Variants in SEC16B observed in about 807,000 individuals in gnomAD.
SEC16B encodes protein transport protein Sec16B.
A neutral mutation model predicts 141.8 loss-of-function variants in SEC16B; 115 were observed. The ratio of observed to expected loss-of-function variants is 0.81; its 90% confidence interval spans 0.70 to 0.95. The LOEUF (loss-of-function observed/expected upper bound fraction) is 0.95, where lower values mean the gene tolerates loss of function less well. SEC16B is among the 40% of genes least tolerant of loss of function. The pLI is 0.00. For synonymous variants in SEC16B, 493 were observed against 492.5 expected, an observed-to-expected ratio of 1.00 and a Z score of -0.01; for missense variants, 1,291 against 1,312.3, an observed-to-expected ratio of 0.98 and a Z score of 0.25.
Position 177,967,907 on chromosome 1 carries a change from T to C in SEC16B, c.75A>G (p.Arg25=), listed in dbSNP as rs1435046772. ...KATAPSKDPD[R]GFRRDGHHRP... ...GATGATGTCCATCTCTCCGAAACCC[T>C]CGGTCTGGATCCTTTGAGGGTGCTG... The change falls in exon 2 of 26, where the codon CGA becomes CGG. Residue 25 remains arginine, a synonymous_variant. Transcript: ENST00000308284. The C allele has an allele frequency of 6.2e-7, 1 of 1,613,856 alleles. No homozygotes were observed. The highest frequency in any genetic ancestry group is 1.3e-5 in the African/African-American group (1 of 74,916).
At position 177,946,403 on chromosome 1, in the gene SEC16B, T is replaced by C. The variant is rs775953955; in HGVS notation, c.1775+17A>G. On this transcript the variant is annotated intron_variant, in intron 14 of 25. Coordinates refer to ENST00000308284, the MANE Select transcript of SEC16B (RefSeq NM_033127.4). ...TGGAAAATGTCCTTACTGTTTCCTT[T>C]CTCCCAGGTCGCATACCTGTGGCTG... 2.6e-6 allele frequency: 4 copies of C among 1,526,400 alleles called. No homozygotes were observed. Among genetic ancestry groups the C allele is most frequent in the Non-Finnish European group, 3.6e-6 (4 of 1,122,926 alleles). 94.6% of individuals were successfully genotyped at this position (1,526,400 alleles called of 1,614,324 possible). A position where few individuals can be genotyped will look rare whatever the true frequency, so the allele number is the denominator to read the frequency against.
Position 177,942,053 on chromosome 1 carries a change from A to C in SEC16B, c.1882-13T>G, listed in dbSNP as rs2101921890. ...GGAGCTTATACACCTGTGAAGAGAA[A>C]AGAGTCAGTGACTAGTCCATCCAGG... On this transcript the variant is annotated splice_polypyrimidine_tract_variant and intron_variant, in intron 15 of 25. Coordinates refer to ENST00000308284, the MANE Select transcript of SEC16B (RefSeq NM_033127.4). The C allele has an allele frequency of 6.2e-7, 1 of 1,609,362 alleles. No homozygotes were observed. The highest frequency in any genetic ancestry group is 1.1e-5 in the South Asian group (1 of 90,136).
upstream of SEC16B, among the ~76,000 whole-genome samples, chr1:177,975,021 T>C (rs1654114057): frequency 6.6e-6 from 1 of 152,110 alleles, no homozygotes; most frequent in Admixed American, 6.5e-5. Flanking sequence ...AACCAAGAAT[T>C]CCCTGTGGAG....
rs759358915 is a variant in SEC16B, at chr1:177,954,368, C to G, written c.1374G>C (p.Leu458Phe). The change falls in exon 11 of 26, where the codon TTG (leucine) becomes TTC (phenylalanine). Residue 458 changes from leucine to phenylalanine, a missense_variant. Around this residue, in one of 3 missense-constraint regions of SEC16B, gnomAD observed 681 missense variants for 675.5 expected, o/e 1.01. Coordinates refer to ENST00000308284, the MANE Select transcript of SEC16B (RefSeq NM_033127.4). ...LLYYGRKKEA[L>F]EWAMKNHLWG... is the part of the protein sequence containing the mutation. ...ACAAGTGGTTCTTCATGGCCCACTC[C>G]AAGGCTTCCTGAAAACCAAAACATC... is the stretch of plus-strand genomic sequence containing the variant. The G allele has an allele frequency of 6.4e-7, 1 of 1,571,838 alleles. No homozygotes were observed. The highest frequency in any genetic ancestry group is 2.4e-5 in the East Asian group (1 of 42,520).
At position 177,932,481 on chromosome 1, in the gene SEC16B, G is replaced by C. The variant is rs777957529; in HGVS notation, c.3012+9C>G. ...GGGTCCGAGGCTCCAGCCCAGGGGGGCCGCTTACCTCTGGTCCAGACAAGC... is the reference window on the plus strand; with the variant it reads ...GGGTCCGAGGCTCCAGCCCAGGGGGCCCGCTTACCTCTGGTCCAGACAAGC... On this transcript the variant is annotated intron_variant, in intron 24 of 25. Coordinates refer to ENST00000308284, the MANE Select transcript of SEC16B (RefSeq NM_033127.4). The C allele has an allele frequency of 6.6e-7, 1 of 1,525,392 alleles. No individual in the cohort carries two copies. The highest frequency in any genetic ancestry group is 8.8e-7 in the Non-Finnish European group (1 of 1,134,946). 94.5% of individuals were successfully genotyped at this position (1,525,392 alleles called of 1,614,324 possible).
Position 177,965,095 on chromosome 1 carries a change from T to TC in SEC16B, c.484_485insG (p.Tyr162Ter), listed in dbSNP as rs1355240260. 4.3e-6 allele frequency: 7 copies of TC among 1,613,612 alleles called. No homozygotes were observed. The highest frequency in any genetic ancestry group is 5.9e-6 in the Non-Finnish European group (7 of 1,179,830). ...REQKYLDEHHYENQHSPFGTN... is the reference protein window; with the variant it reads ...REQKYLDEHH Reference sequence around the variant, plus strand: ...TCCAAATGGACTGTGCTGGTTTTCATAATGATGTTCATCAAGGTACTTTTG... The same window carrying TC: ...TCCAAATGGACTGTGCTGGTTTTCATCAATGATGTTCATCAAGGTACTTTTG... Residue 162 changes from tyrosine to a stop codon, truncating the protein, a stop_gained and frameshift_variant, in exon 4 of 26, where the codon TAT becomes TGAT. Coordinates refer to ENST00000308284, the MANE Select transcript of SEC16B (RefSeq NM_033127.4). LOFTEE classifies it high-confidence loss of function.
intron 19 of SEC16B, among the ~76,000 whole-genome samples, chr1:177,936,880 A>G (rs1410339653): frequency 2.0e-5 from 3 of 152,142 alleles, no homozygotes. Context: ...GGATGATTGG[A>G]GAAAGAGAAC....
At chr1:177,971,806 C>G (rs1054081679), upstream of SEC16B, among the ~76,000 whole-genome samples, 6 of 152,176 alleles carry the variant, frequency 3.9e-5, no homozygotes, top group African/African-American at 1.4e-4. Flanking sequence ...GCCTTGCACA[C>G]CAGTGCAAGT....
chr1:177,937,687 C>T (rs1018950605), intron 18 of SEC16B, among the ~76,000 whole-genome samples, 174 bp from the exon 19 acceptor site: 2 of 152,168 alleles, frequency 1.3e-5, no homozygotes, highest in South Asian at 4.1e-4. Flanking sequence ...TTGTAACATC[C>T]TCATTGCTGT....
At chr1:177,932,464 G>A (rs1451666202) in intron 24 of SEC16B, 26 bp downstream of exon 24, 5 of 1,494,716 alleles carry the variant, frequency 3.3e-6, no homozygotes, top group Non-Finnish European at 3.6e-6. Context: ...TGGGGTCCGA[G>A]GCTCCAGCCC....
chr1:177,932,036 CAT>C (rs1262601222), intron 24 of SEC16B, among the ~76,000 whole-genome samples: 4 of 151,764 alleles, frequency 2.6e-5, no homozygotes, highest in African/African-American at 7.3e-5. Flanking sequence ...CCTCAGAAAA[CAT>C]ATGTTTGGAG....
intron 12 of SEC16B, among the ~76,000 whole-genome samples, chr1:177,950,080 C>T (rs542538485): frequency 2.6e-4 from 40 of 152,008 alleles, no homozygotes; most frequent in Admixed American, 2.0e-3. Context: ...ACAAAATAGC[C>T]GGTTGATTTG....
intron 1 of SEC16B, among the ~76,000 whole-genome samples, chr1:177,978,005 G>C (rs184104023): frequency 3.3e-5 from 5 of 152,246 alleles, no homozygotes; most frequent in Admixed American, 3.3e-4. Flanking sequence ...ATAAATCTTT[G>C]CTCTTCTCTC....
intron 1 of SEC16B, among the ~76,000 whole-genome samples, chr1:177,969,078 C>G (rs1261814954): frequency 1.3e-5 from 2 of 152,180 alleles, no homozygotes; most frequent in Non-Finnish European, 1.5e-5. Context: ...CAGGAGCATC[C>G]ACAGGCTAGG....
In SEC16B at chr1:177,932,731, G is replaced by A; in HGVS notation, c.2899C>T (p.Leu967=). The change falls in exon 23 of 26, where the codon CTG becomes TTG. Residue 967 remains leucine, a synonymous_variant. Coordinates refer to ENST00000308284, the MANE Select transcript of SEC16B (RefSeq NM_033127.4). ...CTGGAGAAGGCACTAACATCCGGCA[G>A]AGGTGGGGACTCAGGGGAAGGTGTC... is the stretch of plus-strand genomic sequence containing the variant. ...SLTPSPESPP[L]PDVSAFSRGR... The A allele has an allele frequency of 1.9e-6, 3 of 1,607,320 alleles. No individual in the cohort carries two copies. Among genetic ancestry groups the A allele is most frequent in the Non-Finnish European group, 2.5e-6 (3 of 1,177,268 alleles).
chr1:177,976,549 T>C (rs1481442817), intron 1 of SEC16B, among the ~76,000 whole-genome samples: 1 of 152,174 alleles, frequency 6.6e-6, no homozygotes, highest in Admixed American at 6.5e-5. Context: ...ACTATGCTGG[T>C]TGTGTGAAGT....
intron 13 of SEC16B, among the ~76,000 whole-genome samples, chr1:177,947,397 G>T (rs186817025): frequency 3.9e-5 from 6 of 152,096 alleles, no homozygotes; most frequent in Admixed American, 3.9e-4. Flanking sequence ...AGCAACAGGA[G>T]GCAAGGTGTC....
At chr1:177,961,431 G>T in intron 6 of SEC16B, 159 bp downstream of exon 6, 2 of 665,834 alleles carry the variant, frequency 3.0e-6, no homozygotes, top group African/African-American at 1.8e-5. Flanking sequence ...CAAGCAAAAA[G>T]AGAGAAAATG....
intron 5 of SEC16B, 76 bp downstream of exon 5, chr1:177,964,095 C>G: frequency 9.6e-7 from 1 of 1,045,474 alleles, no homozygotes. Context: ...CCCCAAGGGC[C>G]CTGTTCTGCC....
Sources: allele counts gnomAD v4.1 joint callset (sites outside exome capture counted in the v4.1 genomes callset), GRCh38; gene constraint gnomAD v4.1.1; regional missense constraint gnomAD v4.1.1; transcripts MANE v1.5; gene names NCBI Gene and HGNC (gene_info 2026-07-23, HGNC 2026-07-21).